EIF2S3: variants seen among roughly 807,000 people sequenced by gnomAD.
EIF2S3 encodes eukaryotic translation initiation factor 2 subunit 3.
Under a neutral mutation model 31.7 loss-of-function variants are expected in EIF2S3, and 2 were observed. The ratio of observed to expected loss-of-function variants is 0.06; its 90% confidence interval spans 0.03 to 0.20. The LOEUF is 0.20. EIF2S3 is among the 10% of genes least tolerant of loss of function. The pLI is 1.00. For synonymous variants in EIF2S3, 120 were observed against 126.7 expected, an observed-to-expected ratio of 0.95 and a Z score of 0.36; for missense variants, 96 against 359.3, an observed-to-expected ratio of 0.27 and a Z score of 5.92.
chrX:24,077,040 A>G lies in EIF2S3; in HGVS notation c.*255A>G. The G allele has an allele frequency of 3.7e-6, 1 of 266,839 alleles. No homozygotes were observed. The highest frequency in any genetic ancestry group is 1.2e-4 in the South Asian group (1 of 8,159). 22.0% of individuals were successfully genotyped at this position (266,839 alleles called of 1,213,427 possible). A position where few individuals can be genotyped will look rare whatever the true frequency, so the allele number is the denominator to read the frequency against. ...TGGCAGAAGTTAAACATTCCCACATAATGTCAAAATTATACATCATGCAGT... is the reference window on the plus strand; with the variant it reads ...TGGCAGAAGTTAAACATTCCCACATGATGTCAAAATTATACATCATGCAGT... On this transcript the variant is annotated 3_prime_UTR_variant, in exon 12 of 12. Transcript: ENST00000253039.
chrX:24,057,072 C>T (rs1037038613), intron 2 of EIF2S3, among the ~76,000 whole-genome samples: 1 of 112,459 alleles, frequency 8.9e-6, no homozygotes, highest in African/African-American at 3.2e-5. Flanking sequence ...CGCTCTGTTG[C>T]CAGGCTGGAG....
chrX:24,055,258 T>C (rs1930383246), intron 1 of EIF2S3, among the ~76,000 whole-genome samples: 2 of 111,834 alleles, frequency 1.8e-5, no homozygotes, highest in Admixed American at 1.9e-4. Flanking sequence ...TTCTAGCTTC[T>C]GGAGGGTTCG....
chrX:24,066,570 T>C (rs143994400), intron 8 of EIF2S3, among the ~76,000 whole-genome samples: 1,345 of 106,119 alleles, frequency 0.013, 28 homozygotes, highest in African/African-American at 0.044. Flanking sequence ...TCGCCCAAGC[T>C]GGAGCGATCT....
At chrX:24,073,857 A>G (rs4969557) in intron 11 of EIF2S3, among the ~76,000 whole-genome samples, 57,572 of 110,932 alleles carry the variant, frequency 0.52, 12,396 homozygotes, top group Non-Finnish European at 0.68. Context: ...GAAAAATTGT[A>G]AGAGTTTTAC....
chrX:24,055,085 T>C (rs1173134390), intron 1 of EIF2S3, 48 bp downstream of exon 1: 2 of 1,162,366 alleles, frequency 1.7e-6, no homozygotes, highest in East Asian at 6.0e-5. Context: ...GGAGTGGAGG[T>C]GACCGAGCCT....
At chrX:24,072,966 G>A (rs1255110242) in intron 10 of EIF2S3, 125 bp from the exon 11 acceptor site, 1 of 791,943 alleles carries the variant, frequency 1.3e-6, no homozygotes, top group Non-Finnish European at 1.8e-6. Context: ...CCTTTACAAT[G>A]AAATTTCTAT....
In EIF2S3 at chrX:24,055,544, G is replaced by C. The variant is rs1221586986; in HGVS notation, c.70-71G>C. On this transcript the variant is annotated intron_variant, in intron 1 of 11. Transcript: ENST00000253039. ...TGCAGATGGTGGCAAGATGTAGATA[G>C]CAAACGTAAAGTCAAAGGAAAAGTT... is the stretch of plus-strand genomic sequence containing the variant. 6.5e-6 allele frequency: 7 copies of C among 1,077,492 alleles called. No homozygotes were observed. The South Asian group carries it at 1.1e-4, about 17-fold the overall frequency. 88.8% of individuals were successfully genotyped at this position (1,077,492 alleles called of 1,213,427 possible). A position where few individuals can be genotyped will look rare whatever the true frequency, so the allele number is the denominator to read the frequency against.
Position 24,064,376 on chromosome X carries a change from T to C in EIF2S3, c.772+41T>C, listed in dbSNP as rs1281491584. 3.6e-6 allele frequency: 4 copies of C among 1,120,391 alleles called. No individual in the cohort carries two copies. In the East Asian group the frequency reaches 9.6e-5, roughly 27 times the overall value. 92.3% of individuals were successfully genotyped at this position (1,120,391 alleles called of 1,213,427 possible). A position where few individuals can be genotyped will look rare whatever the true frequency, so the allele number is the denominator to read the frequency against. On this transcript the variant is annotated intron_variant, in intron 7 of 11. Coordinates refer to ENST00000253039, the MANE Select transcript of EIF2S3 (RefSeq NM_001415.4). The stretch of plus-strand genomic sequence containing the variant: ...TGCCTTTAACTCTTAATCTGATCTT[T>C]TCCACATTGGTGATTCCTCTTCAAG...
In EIF2S3 at chrX:24,062,294, A is replaced by G. The variant is rs1930504787; in HGVS notation, c.479-122A>G. ...CCATGCCCATGAAGCGTCAGTCCACATGTTTTCCTCCCCCAGCCCCTTGCA... is the reference window on the plus strand; with the variant it reads ...CCATGCCCATGAAGCGTCAGTCCACGTGTTTTCCTCCCCCAGCCCCTTGCA... On this transcript the variant is annotated intron_variant, in intron 5 of 11. Coordinates refer to ENST00000253039, the MANE Select transcript of EIF2S3 (RefSeq NM_001415.4). 2.3e-5 allele frequency: 17 copies of G among 733,480 alleles called. No homozygotes were observed. The South Asian group carries it at 2.7e-4, about 12-fold the overall frequency. The allele number at this position is 733,480 out of a possible 1,213,427, so 60.4% of individuals were successfully genotyped here.
chrX:24,057,921 C>G (rs1009927707), intron 4 of EIF2S3, among the ~76,000 whole-genome samples, 167 bp downstream of exon 4: 1 of 112,453 alleles, frequency 8.9e-6, no homozygotes, highest in Non-Finnish European at 1.9e-5. Context: ...AGCATCTAAA[C>G]CTAAGTTAAA....
Position 24,057,766 on chromosome X carries a change from T to C in EIF2S3, c.383+12T>C, listed in dbSNP as rs746321081. 1.7e-6 allele frequency: 2 copies of C among 1,200,734 alleles called. No homozygotes were observed. Among genetic ancestry groups the C allele is most frequent in the Non-Finnish European group, 2.2e-6 (2 of 891,542 alleles). On this transcript the variant is annotated intron_variant, in intron 4 of 11. Coordinates refer to ENST00000253039, the MANE Select transcript of EIF2S3 (RefSeq NM_001415.4). ...TTCAAATTAGTCAGGTGACCTCTCT[T>C]TTGCTACAAACACTACACTTTATAT...
intron 9 of EIF2S3, among the ~76,000 whole-genome samples, chrX:24,070,293 G>T (rs1930646531): frequency 9.4e-6 from 1 of 106,561 alleles, no homozygotes; most frequent in South Asian, 4.4e-4. Flanking sequence ...CTGCACTCCA[G>T]CCTGGGCGAC....
At chrX:24,073,364 C>T in intron 11 of EIF2S3, 101 bp downstream of exon 11, 3 of 1,013,516 alleles carry the variant, frequency 3.0e-6, no homozygotes, top group Non-Finnish European at 4.0e-6. Context: ...GTTACTGTGG[C>T]TTTCAGTCTC....
At chrX:24,062,115 A>T (rs1383998869) in intron 5 of EIF2S3, among the ~76,000 whole-genome samples, 1 of 110,801 alleles carries the variant, frequency 9.0e-6, no homozygotes, top group African/African-American at 3.3e-5. Flanking sequence ...GGCAAAAGAG[A>T]CTCATAAAAT....
At chrX:24,060,232 G>T in intron 5 of EIF2S3, 50 bp downstream of exon 5, 2 of 1,070,773 alleles carry the variant, frequency 1.9e-6, no homozygotes, top group East Asian at 3.0e-5. Context: ...ACAAATCCAA[G>T]ATGAAATATT....
intron 11 of EIF2S3, among the ~76,000 whole-genome samples, chrX:24,076,427 G>C (rs964557040): frequency 9.0e-6 from 1 of 111,274 alleles, no homozygotes; most frequent in African/African-American, 3.3e-5. Context: ...CCAGCTACTC[G>C]GGAGGCTGAG....
rs185657505 is a variant in EIF2S3, at chrX:24,069,296, C to T, written c.1012+1188C>T. Among the ~76,000 whole-genome samples the T allele has an allele frequency of 4.1e-3, 434 of 105,971 alleles. 3 individuals are homozygous for T. Among genetic ancestry groups the T allele is most frequent in the African/African-American group, 0.014 (402 of 28,939 alleles). 92.0% of individuals were successfully genotyped at this position (105,971 alleles called of 115,157 possible). On this transcript the variant is annotated intron_variant, in intron 9 of 11. Coordinates refer to ENST00000253039, the MANE Select transcript of EIF2S3 (RefSeq NM_001415.4). ...ACTCGGGAGGCTGAGGCATGAGAAT[C>T]GCTTGAACCCAGAAGGCGGAGGGTG...
At chrX:24,060,715 A>T (rs1453666058) in intron 5 of EIF2S3, among the ~76,000 whole-genome samples, 1 of 109,987 alleles carries the variant, frequency 9.1e-6, no homozygotes, top group African/African-American at 3.3e-5. Context: ...TAATCCTAGC[A>T]CTTTGGGAGG....
At chrX:24,065,876 TA>T in intron 7 of EIF2S3, 121 bp from the exon 8 acceptor site, 1 of 550,987 alleles carries the variant, frequency 1.8e-6, no homozygotes, top group Non-Finnish European at 2.9e-6. Flanking sequence ...TAGATTTTGT[TA>T]AAAAGGCACC....
Sources: allele counts gnomAD v4.1 joint callset (sites outside exome capture counted in the v4.1 genomes callset), GRCh38; gene constraint gnomAD v4.1.1; transcripts MANE v1.5; gene names NCBI Gene and HGNC (gene_info 2026-07-23, HGNC 2026-07-21).